SRPK2: variants seen among roughly 807,000 people sequenced by gnomAD.
SRPK2 encodes SFRS protein kinase 2.
In SRPK2, 21 loss-of-function variants were observed where a neutral mutation model predicts 90.8. The ratio of observed to expected loss-of-function variants is 0.23; its 90% confidence interval spans 0.16 to 0.33. The LOEUF is 0.33. Ranked by LOEUF, SRPK2 falls within the 10% of genes least tolerant of loss-of-function variation. The pLI is 1.00. For missense variants in SRPK2, 620 were observed against 869.0 expected, an observed-to-expected ratio of 0.71 and a Z score of 3.60; for synonymous variants, 288 against 311.1, an observed-to-expected ratio of 0.93 and a Z score of 0.78.
chr7:105,243,672 A>G (rs1801158366), intron 2 of SRPK2, among the ~76,000 whole-genome samples: 1 of 152,046 alleles, frequency 6.6e-6, no homozygotes, highest in African/African-American at 2.4e-5. Context: ...GCAATCTCAA[A>G]TAACGAACGG....
intron 2 of SRPK2, among the ~76,000 whole-genome samples, chr7:105,217,346 TA>T (rs1488971666): frequency 4.6e-5 from 7 of 152,340 alleles, no homozygotes; most frequent in African/African-American, 1.7e-4. Context: ...AAAAGTGACT[TA>T]CCTAATTAAG....
At chr7:105,280,062 T>C (rs1807057865) in intron 2 of SRPK2, among the ~76,000 whole-genome samples, 1 of 152,218 alleles carries the variant, frequency 6.6e-6, no homozygotes, top group South Asian at 2.1e-4. Context: ...GACAGTTTTT[T>C]CATACCAGAT....
At chr7:105,280,059 T>C (rs570094531) in intron 2 of SRPK2, among the ~76,000 whole-genome samples, 1 of 152,280 alleles carries the variant, frequency 6.6e-6, no homozygotes, top group East Asian at 1.9e-4. Flanking sequence ...AGAGACAGTT[T>C]TTTCATACCA....
At chr7:105,239,324 G>T (rs940420277) in intron 2 of SRPK2, among the ~76,000 whole-genome samples, 4 of 152,144 alleles carry the variant, frequency 2.6e-5, no homozygotes, top group African/African-American at 9.7e-5. Context: ...ACATCAGAAA[G>T]CACAAAGTAT....
At chr7:105,130,684 C>T (rs532340409) in intron 13 of SRPK2, among the ~76,000 whole-genome samples, 101 of 151,232 alleles carry the variant, frequency 6.7e-4, no homozygotes, top group African/African-American at 2.2e-3. Flanking sequence ...TACAACAGAA[C>T]GATGAGGTAA....
intron 2 of SRPK2, among the ~76,000 whole-genome samples, chr7:105,236,901 G>C (rs1022926020): frequency 3.9e-5 from 6 of 152,214 alleles, no homozygotes; most frequent in African/African-American, 1.4e-4. Context: ...CAAAAGACTA[G>C]TTTGGGAACA....
chr7:105,230,367 G>T (rs1162096451), intron 2 of SRPK2, among the ~76,000 whole-genome samples: 1 of 152,140 alleles, frequency 6.6e-6, no homozygotes, highest in Non-Finnish European at 1.5e-5. Context: ...AATGAATGTA[G>T]CTGCAAAGGT....
chr7:105,351,491 CAAAAATAATA>C (rs1163257499), intron 2 of SRPK2, among the ~76,000 whole-genome samples: 1 of 142,942 alleles, frequency 7.0e-6, no homozygotes, highest in Non-Finnish European at 1.5e-5. Context: ...CACTCCGTCT[CAAAAATAATA>C]ATAATAATAA....
intron 2 of SRPK2, chr7:105,245,032 C>T (rs1048819337): frequency 1.7e-6 from 1 of 587,960 alleles, no homozygotes. Flanking sequence ...CAAAACAAAA[C>T]AAACACACAC....
chr7:105,335,238 A>C (rs2131786085), intron 2 of SRPK2, among the ~76,000 whole-genome samples: 4 of 152,340 alleles, frequency 2.6e-5, no homozygotes, highest in Middle Eastern at 6.8e-3. Context: ...GGAAGACAAA[A>C]AATTCCCAAT....
At position 105,170,914 on chromosome 7, in the gene SRPK2, AGGAGAAAGAAAAAGAAAAAG is replaced by A. The variant is rs369710689; in HGVS notation, c.230-1669_230-1650del. On this transcript the variant is annotated intron_variant, in intron 3 of 15. Transcript: ENST00000393651. ...AAGAAAGAAAGAAAGAAAGAAAGAA[AGGAGAAAGAAAAAGAAAAAG>A]GAAAGAAAGAAAGAAAGAAAGAAAG... Among the ~76,000 whole-genome samples, 187 of 112,126 alleles carry A rather than the reference AGGAGAAAGAAAAAGAAAAAG, an allele frequency of 1.7e-3. 12 individuals are homozygous for A. The highest frequency in any genetic ancestry group is 4.0e-3 in the African/African-American group (108 of 27,218). The allele number at this position is 112,126 out of a possible 152,430, so 73.6% of individuals were successfully genotyped here. A position where few individuals can be genotyped will look rare whatever the true frequency, so the allele number is the denominator to read the frequency against.
At chr7:105,232,472 A>C (rs1338598987) in intron 2 of SRPK2, among the ~76,000 whole-genome samples, 2 of 151,152 alleles carry the variant, frequency 1.3e-5, no homozygotes, top group Non-Finnish European at 3.0e-5. Context: ...AAAAAAAAAA[A>C]AAAAAAAAAA....
At chr7:105,386,795 A>G (rs1200371733) in intron 2 of SRPK2, among the ~76,000 whole-genome samples, 1 of 152,236 alleles carries the variant, frequency 6.6e-6, no homozygotes, top group Non-Finnish European at 1.5e-5. Flanking sequence ...CAGTTATATA[A>G]TTGGGCTGGT....
intron 9 of SRPK2, among the ~76,000 whole-genome samples, chr7:105,144,301 C>T (rs1804225858): frequency 1.4e-5 from 2 of 146,160 alleles, no homozygotes; most frequent in African/African-American, 5.1e-5. Context: ...AGTGCAGTGG[C>T]GTGATCTCAG....
At chr7:105,366,331 C>T (rs991067521) in intron 2 of SRPK2, among the ~76,000 whole-genome samples, 4 of 146,466 alleles carry the variant, frequency 2.7e-5, no homozygotes, top group Admixed American at 6.9e-5. Context: ...AGTGACTTTG[C>T]TTTTTCTCTA....
At chr7:105,362,917 C>T (rs564500576) in intron 2 of SRPK2, among the ~76,000 whole-genome samples, 1 of 152,152 alleles carries the variant, frequency 6.6e-6, no homozygotes, top group Non-Finnish European at 1.5e-5. Flanking sequence ...TGGAAACCAT[C>T]ATTCTAAGCA....
At chr7:105,307,246 C>T (rs1408122001) in intron 2 of SRPK2, among the ~76,000 whole-genome samples, 1 of 152,062 alleles carries the variant, frequency 6.6e-6, no homozygotes, top group South Asian at 2.1e-4. Context: ...AATGCCATTC[C>T]ATCTGCTGTG....
intron 2 of SRPK2, among the ~76,000 whole-genome samples, chr7:105,376,521 C>T (rs979316540): frequency 4.6e-5 from 7 of 151,734 alleles, no homozygotes; most frequent in African/African-American, 1.7e-4. Context: ...TAGCTCCTTG[C>T]CATCCTTTTT....
intron 2 of SRPK2, among the ~76,000 whole-genome samples, chr7:105,379,044 C>G (rs1454135127): frequency 1.3e-5 from 2 of 151,896 alleles, no homozygotes; most frequent in Non-Finnish European, 2.9e-5. Context: ...GTAGTCCCAG[C>G]TACTCAGCAG....
Sources: allele counts gnomAD v4.1 joint callset (sites outside exome capture counted in the v4.1 genomes callset), GRCh38; gene constraint gnomAD v4.1.1; transcripts MANE v1.5; gene names NCBI Gene and HGNC (gene_info 2026-07-23, HGNC 2026-07-21).